The following SEPTIN12 variants were observed in gnomAD, a reference collection of about 807,000 sequenced individuals.
SEPTIN12 encodes the protein septin 12.
In SEPTIN12, 42 loss-of-function variants were observed where a neutral mutation model predicts 37.7. The ratio of observed to expected loss-of-function variants is 1.11; its 90% confidence interval spans 0.87 to 1.44. The LOEUF is 1.44. Ranked by LOEUF, SEPTIN12 falls within the 40% of genes most tolerant of loss-of-function variation. The probability of loss-of-function intolerance (pLI) is 0.00; values close to 1 mark genes in which losing one functional copy is unlikely to be tolerated. For synonymous variants in SEPTIN12, 254 were observed against 196.7 expected (o/e 1.29, Z -2.44); for missense variants, 613 against 479.2 (o/e 1.28, Z -2.61).
At chr16:4,787,970 G>T (rs1431386518) in intron 1 of SEPTIN12, 1 of 274,798 alleles carries the variant, frequency 3.6e-6, no homozygotes, top group Non-Finnish European at 6.9e-6. Context: ...AGCCTGGAGG[G>T]CCAGGCAAAG....
At chr16:4,782,030 A>G (rs1376157053) in intron 7 of SEPTIN12, among the ~76,000 whole-genome samples, 1 of 139,796 alleles carries the variant, frequency 7.2e-6, no homozygotes, top group African/African-American at 2.8e-5. Context: ...TGCTCACTGC[A>G]ACCTTCACCT....
chr16:4,777,954 T>C lies in SEPTIN12; in HGVS notation c.920A>G (p.Tyr307Cys). 3 of 1,610,872 alleles carry C rather than the reference T, an allele frequency of 1.9e-6. No individual in the cohort carries two copies. The highest frequency in any genetic ancestry group is 1.1e-5 in the South Asian group (1 of 90,600). Residue 307 changes from tyrosine to cysteine, a missense_variant, in exon 10 of 10, where the codon TAT (tyrosine) becomes TGT (cysteine). Tyr to Cys is a radical substitution (Grantham distance 194). Transcript: ENST00000268231. Reference sequence around the variant, plus strand: ...GAGTCTGATGACGCGGTAGTTCTCATAGTGGATGTTGTGGGTTATGTCCTT... The same window carrying C: ...GAGTCTGATGACGCGGTAGTTCTCACAGTGGATGTTGTGGGTTATGTCCTT... ...DLKDITHNIH[Y>C]ENYRVIRLNE...
intron 4 of SEPTIN12, among the ~76,000 whole-genome samples, chr16:4,785,511 T>C (rs1211303166): frequency 6.6e-6 from 1 of 151,760 alleles, no homozygotes; most frequent in Non-Finnish European, 1.5e-5. Context: ...CAGTGGCTCA[T>C]GCCTGTAATC....
chr16:4,782,116 A>G (rs2082378927), intron 7 of SEPTIN12, among the ~76,000 whole-genome samples: 1 of 151,162 alleles, frequency 6.6e-6, no homozygotes, highest in Non-Finnish European at 1.5e-5. Context: ...ACACGCAGCT[A>G]ATTTTGTATT....
chr16:4,786,646 C>T (rs2082455169), intron 2 of SEPTIN12, among the ~76,000 whole-genome samples: 1 of 151,798 alleles, frequency 6.6e-6, no homozygotes, highest in Non-Finnish European at 1.5e-5. Flanking sequence ...TGAGCCACCA[C>T]ACCCGGCCTT....
chr16:4,783,334 G>T, intron 7 of SEPTIN12, 128 bp downstream of exon 7: 1 of 765,578 alleles, frequency 1.3e-6, no homozygotes, highest in Non-Finnish European at 2.3e-6. Flanking sequence ...TTGTGGATGA[G>T]TAGAGAATCA....
intron 4 of SEPTIN12, among the ~76,000 whole-genome samples, chr16:4,785,326 C>A (rs1474380043): frequency 6.6e-6 from 1 of 151,598 alleles, no homozygotes; most frequent in Non-Finnish European, 1.5e-5. Context: ...TGTGTCACTG[C>A]ACTCTGGCCT....
rs781705431 is a variant in SEPTIN12, at chr16:4,784,075, C to A, written c.375-7G>T. 6.2e-7 allele frequency: 1 copy of A among 1,613,856 alleles called. No individual in the cohort carries two copies. Among genetic ancestry groups the A allele is most frequent in the East Asian group, 2.2e-5 (1 of 44,864 alleles). On this transcript the variant is annotated splice_polypyrimidine_tract_variant and splice_region_variant and intron_variant, in intron 4 of 9. Coordinates refer to ENST00000268231, the MANE Select transcript of SEPTIN12 (RefSeq NM_144605.5). ...GCCCAGGATGGGGTCCCAGCTGAGG[C>A]GGGAGGTGGACCCTCCCCTCAGAAC...
intron 2 of SEPTIN12, 85 bp downstream of exon 2, chr16:4,787,395 G>A (rs2082472539): frequency 3.2e-6 from 4 of 1,246,182 alleles, no homozygotes; most frequent in Admixed American, 1.7e-5. Context: ...GGGGAGGGGC[G>A]ACAGGCTGCC....
intron 2 of SEPTIN12, among the ~76,000 whole-genome samples, chr16:4,786,680 C>T (rs922488912): frequency 1.3e-5 from 2 of 151,826 alleles, no homozygotes; most frequent in African/African-American, 2.4e-5. Flanking sequence ...ATTTTTAAGA[C>T]AGGGTCTCAA....
At chr16:4,786,152 C>G in intron 2 of SEPTIN12, 47 bp from the exon 3 acceptor site, 1 of 1,499,968 alleles carries the variant, frequency 6.7e-7, no homozygotes, top group Non-Finnish European at 8.9e-7. Flanking sequence ...GCGTTTTAGG[C>G]AGTTTTTCTC....
At chr16:4,783,087 T>G (rs2082390122) in intron 7 of SEPTIN12, among the ~76,000 whole-genome samples, 1 of 151,522 alleles carries the variant, frequency 6.6e-6, no homozygotes, top group Non-Finnish European at 1.5e-5. Flanking sequence ...TTTTGCATTT[T>G]TGGCAGAGAC....
chr16:4,784,330 G>C, intron 4 of SEPTIN12: 1 of 483,842 alleles, frequency 2.1e-6, no homozygotes, highest in African/African-American at 1.9e-5. Flanking sequence ...GGAGGGGTGA[G>C]CATTAACTGT....
At chr16:4,784,104 G>T (rs1352722169) in intron 4 of SEPTIN12, 36 bp from the exon 5 acceptor site, 13 of 1,612,026 alleles carry the variant, frequency 8.1e-6, no homozygotes, top group Non-Finnish European at 1.1e-5. Context: ...TCAGAACTGT[G>T]CTGTGCCCAG....
At chr16:4,788,159 G>C in intron 1 of SEPTIN12, 121 bp downstream of exon 1, 1 of 159,134 alleles carries the variant, frequency 6.3e-6, no homozygotes, top group South Asian at 1.8e-4. Context: ...GACGGCACAG[G>C]CATGAAGGTG....
chr16:4,783,497 C>G lies in SEPTIN12; in HGVS notation c.691G>C (p.Asp231His), dbSNP rs1434387031. The change falls in exon 7 of 10, where the codon GAC becomes CAC. Residue 231 changes from aspartate to histidine, a missense_variant. By Grantham distance (81) the Asp-to-His change is moderately conservative. Transcript: ENST00000268231. ...DVYPQMCFDE[D>H]INDKILNSKL... ...CTGTTGAGGATTTTGTCATTGATGTCCTCGTCAAAGCACATCTGGGGGTAG... is the reference window on the plus strand; with the variant it reads ...CTGTTGAGGATTTTGTCATTGATGTGCTCGTCAAAGCACATCTGGGGGTAG... 6.8e-6 allele frequency: 11 copies of G among 1,614,168 alleles called. No individual in the cohort carries two copies. Among genetic ancestry groups the G allele is most frequent in the Admixed American group, 1.7e-5 (1 of 60,014 alleles).
chr16:4,779,617 C>A (rs1247518575), intron 8 of SEPTIN12, 73 bp downstream of exon 8: 1 of 899,002 alleles, frequency 1.1e-6, no homozygotes, highest in Non-Finnish European at 1.9e-6. Context: ...GTGATGGGTG[C>A]GAAGGTTGCC....
chr16:4,777,893 C>A lies in SEPTIN12; in HGVS notation c.981G>T (p.Trp327Cys). Residue 327 changes from tryptophan (W) to cysteine (C), a missense_variant, in exon 10 of 10, where the codon TGG becomes TGT. Trp to Cys is a radical substitution (Grantham distance 215). Transcript: ENST00000268231. ...CTGGGGAGGCCGGGGCCAGGTTCAC[C>A]CAGCCGGGCCCGCGGGGCAGCAGGT... ...ESHLLPRGPG[W>C]VNLAPASPGQ... 6.3e-7 allele frequency: 1 copy of A among 1,599,164 alleles called. No individual in the cohort carries two copies. The highest frequency in any genetic ancestry group is 8.5e-7 in the Non-Finnish European group (1 of 1,173,546).
At chr16:4,781,787 G>T (rs955010178) in intron 7 of SEPTIN12, among the ~76,000 whole-genome samples, 11 of 151,090 alleles carry the variant, frequency 7.3e-5, no homozygotes, top group African/African-American at 2.7e-4. Flanking sequence ...TGGGATTACA[G>T]GCATGCACCA....
Sources: allele counts gnomAD v4.1 joint callset (sites outside exome capture counted in the v4.1 genomes callset), GRCh38; gene constraint gnomAD v4.1.1; transcripts MANE v1.5; gene names NCBI Gene and HGNC (gene_info 2026-07-23, HGNC 2026-07-21).